Variants in GPR139 observed in about 807,000 individuals in gnomAD.
The protein encoded by GPR139 is G protein-coupled receptor 139.
Under a neutral mutation model 25.8 loss-of-function variants are expected in GPR139, and 12 were observed. That is an observed-to-expected ratio of 0.47 (90% CI 0.30 to 0.75). The LOEUF is 0.75. GPR139 is among the 30% of genes least tolerant of loss of function. GPR139 has a pLI of 0.07. For missense variants in GPR139, 380 were observed against 450.2 expected, an observed-to-expected ratio of 0.84 and a Z score of 1.41; for synonymous variants, 184 against 179.9, an observed-to-expected ratio of 1.02 and a Z score of -0.18.
chr16:20,073,485 C>T lies in GPR139; in HGVS notation c.127+5G>A. On this transcript the variant is annotated splice_donor_5th_base_variant and intron_variant, in intron 1 of 1. Coordinates refer to ENST00000570682, the MANE Select transcript of GPR139 (RefSeq NM_001002911.4). The surrounding 1 kb of genome is among the most constrained non-coding windows in gnomAD (Gnocchi z 4.7). ...GCTTCCCTCCCTCTCCCCCACGCCCCTCACCTGGTAAACCGAGGCACAGCA... is the reference window on the plus strand; with the variant it reads ...GCTTCCCTCCCTCTCCCCCACGCCCTTCACCTGGTAAACCGAGGCACAGCA... 6.2e-7 allele frequency: 1 copy of T among 1,611,616 alleles called. No homozygotes were observed. The highest frequency in any genetic ancestry group is 8.5e-7 in the Non-Finnish European group (1 of 1,179,088).
Position 20,028,305 on chromosome 16 carries a change from C to A in GPR139, c.*3430G>T, listed in dbSNP as rs999397772. ...ATATATCAAAACATCACATTGTATC[C>A]CATAAATGTATACAATTATGATTTA... On this transcript the variant is annotated 3_prime_UTR_variant, in exon 2 of 2. Coordinates refer to ENST00000570682, the MANE Select transcript of GPR139 (RefSeq NM_001002911.4). 1.3e-5 allele frequency among the ~76,000 whole-genome samples: 2 copies of A among 151,890 alleles called. No homozygotes were observed. The highest frequency in any genetic ancestry group is 2.9e-5 in the Non-Finnish European group (2 of 67,970).
chr16:20,041,163 G>GAAA (rs2057330563), intron 1 of GPR139, among the ~76,000 whole-genome samples: 1 of 186 alleles, frequency 5.4e-3, no homozygotes. Context: ...GAGGGGAGGG[G>GAAA]AGGGGAGGGG....
chr16:20,047,309 C>T (rs1446259965), intron 1 of GPR139, among the ~76,000 whole-genome samples: 1 of 152,102 alleles, frequency 6.6e-6, no homozygotes, highest in African/African-American at 2.4e-5. Context: ...TAGGGTTTCA[C>T]TATGTTGGCC....
chr16:20,030,486 A>T lies in GPR139; in HGVS notation c.*1249T>A, dbSNP rs887606405. On this transcript the variant is annotated 3_prime_UTR_variant, in exon 2 of 2. Transcript: ENST00000570682. Reference sequence around the variant, plus strand: ...ATTTCCAGGGATGCCCCTATTCATTACATCCTAGAAATGTTCTTGCCTTGG... The same window carrying T: ...ATTTCCAGGGATGCCCCTATTCATTTCATCCTAGAAATGTTCTTGCCTTGG... 1.3e-5 allele frequency among the ~76,000 whole-genome samples: 2 copies of T among 152,242 alleles called. No individual in the cohort carries two copies. Among genetic ancestry groups the T allele is most frequent in the Non-Finnish European group, 2.9e-5 (2 of 68,036 alleles).
rs2057370048 is a variant in GPR139 at position 20,051,070 on chromosome 16, A to AAAAAAAAAG, written c.128-18402_128-18401insCTTTTTTTT. Reference sequence around the variant, plus strand: ...AGAGCAAGACCCTGTTTCAAAAAAAAAAAAAGAAAGAAAGAAAGAAGAAGG... The same window carrying AAAAAAAAAG: ...AGAGCAAGACCCTGTTTCAAAAAAAAAAAAAAAAGAAAAAGAAAGAAAGAAAGAAGAAGG... On this transcript the variant is annotated intron_variant, in intron 1 of 1. Transcript: ENST00000570682. Among the ~76,000 whole-genome samples, 2 of 149,572 alleles carry AAAAAAAAAG rather than the reference A, an allele frequency of 1.3e-5. 1 individual carries two copies. Among genetic ancestry groups the AAAAAAAAAG allele is most frequent in the African/African-American group, 4.8e-5 (2 of 41,278 alleles).
rs199641856 is a variant in GPR139 at position 20,032,126 on chromosome 16, C to A, written c.671G>T (p.Gly224Val). The A allele has an allele frequency of 1.7e-4, 272 of 1,614,090 alleles. No homozygotes were observed. The highest frequency in any genetic ancestry group is 6.9e-5 in the Non-Finnish European group (81 of 1,179,996). Residue 224 changes from glycine to valine, a missense_variant, in exon 2 of 2, where the codon GGG becomes GTG. Gly to Val is a moderately radical substitution (Grantham distance 109). Transcript: ENST00000570682. ...GGTGAACAAGATGGCGGTGGTCTTC[C>A]CCGTGGAGTAGCCACGGAGACGAAA... is the stretch of plus-strand genomic sequence containing the variant. ...SNFRLRGYST[G>V]KTTAILFTIT... is the part of the protein sequence containing the mutation.
chr16:20,068,035 A>G (rs530226768), intron 1 of GPR139, among the ~76,000 whole-genome samples: 4 of 152,144 alleles, frequency 2.6e-5, no homozygotes, highest in African/African-American at 9.6e-5. Context: ...TGAAATCCAT[A>G]ATTGATATTT....
At chr16:20,066,303 C>T (rs2141215130) in intron 1 of GPR139, among the ~76,000 whole-genome samples, 1 of 152,332 alleles carries the variant, frequency 6.6e-6, no homozygotes, top group Non-Finnish European at 1.5e-5. Flanking sequence ...ATTCTGACTG[C>T]ATTATCCAGG....
chr16:20,067,122 C>T (rs933577450), intron 1 of GPR139, among the ~76,000 whole-genome samples: 1 of 152,178 alleles, frequency 6.6e-6, no homozygotes, highest in African/African-American at 2.4e-5. Flanking sequence ...ATGTATTTTA[C>T]ACTCAATCTC....
At chr16:20,064,795 C>G (rs1382116039) in intron 1 of GPR139, among the ~76,000 whole-genome samples, 2 of 152,186 alleles carry the variant, frequency 1.3e-5, no homozygotes, top group Non-Finnish European at 1.5e-5. Context: ...AATTTGAACC[C>G]AGGTCTGAGG....
intron 1 of GPR139, among the ~76,000 whole-genome samples, chr16:20,066,552 AC>A (rs1378862098): frequency 1.3e-5 from 2 of 152,184 alleles, no homozygotes; most frequent in African/African-American, 4.8e-5. Context: ...CATGGAAAAG[AC>A]CTATGCACAG....
intron 1 of GPR139, among the ~76,000 whole-genome samples, chr16:20,068,567 A>G (rs12920693): frequency 0.19 from 29,343 of 152,024 alleles, 3,370 homozygotes; most frequent in East Asian, 0.28. Context: ...AACCGAAACT[A>G]CTGAATTCCT....
chr16:20,055,493 G>A (rs921999142), intron 1 of GPR139, among the ~76,000 whole-genome samples: 1 of 152,150 alleles, frequency 6.6e-6, no homozygotes, highest in Non-Finnish European at 1.5e-5. Flanking sequence ...GCTCTTTCCA[G>A]TGTAAAAAAC....
At chr16:20,052,270 A>C (rs149155582) in intron 1 of GPR139, among the ~76,000 whole-genome samples, 19 of 152,314 alleles carry the variant, frequency 1.2e-4, no homozygotes, top group Non-Finnish European at 2.6e-4. Context: ...CTTTGCCTGT[A>C]ATCTTGCCTA....
At chr16:20,034,395 G>T (rs975947149) in intron 1 of GPR139, among the ~76,000 whole-genome samples, 2 of 152,174 alleles carry the variant, frequency 1.3e-5, no homozygotes, top group African/African-American at 4.8e-5. Context: ...TTTAAAGAAA[G>T]AAATGACACT....
chr16:20,032,817 A>G, intron 1 of GPR139, 148 bp from the exon 2 acceptor site: 1 of 609,178 alleles, frequency 1.6e-6, no homozygotes, highest in East Asian at 2.7e-5. Flanking sequence ...TCAGCATTAC[A>G]AATAGCACCT....
intron 1 of GPR139, among the ~76,000 whole-genome samples, chr16:20,067,435 C>G (rs1596472048): frequency 6.6e-6 from 1 of 152,136 alleles, no homozygotes; most frequent in African/African-American, 2.4e-5. Flanking sequence ...AACAGGAGTC[C>G]TATGGTCAAA....
chr16:20,066,647 G>T (rs149775859), intron 1 of GPR139, among the ~76,000 whole-genome samples: 2 of 152,194 alleles, frequency 1.3e-5, no homozygotes, highest in African/African-American at 2.4e-5. Context: ...ACTATTTGCC[G>T]AGCTCCTACA....
rs1353223481 is a variant in GPR139, at chr16:20,028,284, A to G, written c.*3451T>C. Among the ~76,000 whole-genome samples the G allele has an allele frequency of 2.0e-5, 3 of 152,228 alleles. No individual in the cohort carries two copies. The highest frequency in any genetic ancestry group is 4.4e-5 in the Non-Finnish European group (3 of 68,040). ...TAATTATTCCACATTGTATACATATATCAAAACATCACATTGTATCCCATA... is the reference window on the plus strand; with the variant it reads ...TAATTATTCCACATTGTATACATATGTCAAAACATCACATTGTATCCCATA... On this transcript the variant is annotated 3_prime_UTR_variant, in exon 2 of 2. Transcript: ENST00000570682.
Sources: allele counts gnomAD v4.1 joint callset (sites outside exome capture counted in the v4.1 genomes callset), GRCh38; gene constraint gnomAD v4.1.1; non-coding constraint Gnocchi (gnomAD v3.1); transcripts MANE v1.5; gene names NCBI Gene and HGNC (gene_info 2026-07-23, HGNC 2026-07-21).